GC: variants seen among roughly 807,000 people sequenced by gnomAD.
GC encodes vitamin D-binding protein.
Under a neutral mutation model 56.7 loss-of-function variants are expected in GC, and 43 were observed. The ratio of observed to expected loss-of-function variants is 0.76; its 90% CI spans 0.59 to 0.98. The LOEUF is 0.98. Among genes scored for constraint, GC ranks in the 50% least tolerant of loss-of-function variants. The pLI, the probability that GC is intolerant of heterozygous loss-of-function variation, is 0.00. For synonymous variants in GC, 216 were observed against 202.7 expected (o/e 1.07, Z -0.56); for missense variants, 529 against 545.9 (o/e 0.97, Z 0.31).
rs759800524 is a variant in GC, at chr4:71,756,865, G to A, written c.881C>T (p.Ser294Phe). The change falls in exon 8 of 13, where the codon TCT becomes TTT. Residue 294 changes from serine (S) to phenylalanine (F), a missense_variant. Ser to Phe is a radical substitution (Grantham distance 155). Transcript: ENST00000273951. ...KLCDNLSTKN[S>F]KFEDCCQEKT... ...TTCTTGACAACAGTCTTCAAACTTAGAATTCTTTGTGGATAAATTGTCACA... is the reference window on the plus strand; with the variant it reads ...TTCTTGACAACAGTCTTCAAACTTAAAATTCTTTGTGGATAAATTGTCACA... The A allele has an allele frequency of 6.2e-7, 1 of 1,613,782 alleles. No individual in the cohort carries two copies. Among genetic ancestry groups the A allele is most frequent in the South Asian group, 1.1e-5 (1 of 91,072 alleles).
rs4588 is a variant in GC, at chr4:71,752,606, G to T, written c.1307C>A (p.Thr436Lys). Reference sequence around the variant, plus strand: ...CTTGTTAACCAGCTTTGCCAGTTCCGTGGGTGTGGCATCAGGCAATTTTGC... The same window carrying T: ...CTTGTTAACCAGCTTTGCCAGTTCCTTGGGTGTGGCATCAGGCAATTTTGC... ...LKAKLPDATP[T>K]ELAKLVNKHS... The change falls in exon 11 of 13, where the codon ACG becomes AAG. Residue 436 changes from threonine to lysine, a missense_variant. Physicochemically the swap from Thr to Lys is moderately conservative, Grantham distance 78. Transcript: ENST00000273951. The T allele has an allele frequency of 0.27, 440,214 of 1,612,616 alleles. 62,145 individuals are homozygous for T. Among genetic ancestry groups the T allele is most frequent in the South Asian group, 0.3 (27,046 of 91,006 alleles).
chr4:71,801,329 T>A (rs1578328607), intron 1 of GC, among the ~76,000 whole-genome samples: 1 of 152,192 alleles, frequency 6.6e-6, no homozygotes, highest in South Asian at 2.1e-4. Context: ...AATTAAATCC[T>A]CCATAGTCTT....
At chr4:71,790,113 G>A (rs1049786240) in intron 1 of GC, among the ~76,000 whole-genome samples, 9 of 151,930 alleles carry the variant, frequency 5.9e-5, no homozygotes, top group African/African-American at 1.9e-4. Context: ...CCTTTGGTCA[G>A]TATGTCCTTC....
chr4:71,749,413 G>A (rs1741476172), intron 11 of GC, among the ~76,000 whole-genome samples: 1 of 152,182 alleles, frequency 6.6e-6, no homozygotes, highest in Non-Finnish European at 1.5e-5. Flanking sequence ...GTCTTGTATG[G>A]TGTCAGGCAG....
At chr4:71,798,526 T>A (rs1288446058) in intron 1 of GC, among the ~76,000 whole-genome samples, 1 of 152,202 alleles carries the variant, frequency 6.6e-6, no homozygotes, top group African/African-American at 2.4e-5. Context: ...CTTGAACCTG[T>A]GTGAGCTAGA....
chr4:71,803,834 A>G lies in GC; in HGVS notation c.21+92T>C. 3 of 744,358 alleles carry G rather than the reference A, an allele frequency of 4.0e-6. No homozygotes were observed. In the South Asian group the frequency reaches 4.4e-5, roughly 11 times the overall value. 46.1% of individuals were successfully genotyped at this position (744,358 alleles called of 1,614,324 possible). On this transcript the variant is annotated intron_variant, in intron 1 of 13. Coordinates refer to the GC transcript ENST00000504199. ...TTGCACAGAAATCCTCTGTGTTGGT[A>G]GTCAGAACATTGTAAATTCATTTTA...
intron 12 of GC, among the ~76,000 whole-genome samples, chr4:71,742,728 A>G (rs1741222713): frequency 6.6e-6 from 1 of 152,244 alleles, no homozygotes; most frequent in Non-Finnish European, 1.5e-5. Flanking sequence ...TAATCCCAGC[A>G]CTTTGGGAGG....
intron 8 of GC, 32 bp downstream of exon 8, chr4:71,756,680 T>A (rs1204192349): frequency 1.3e-6 from 2 of 1,500,200 alleles, no homozygotes; most frequent in Non-Finnish European, 1.9e-6. Context: ...GAACTTAAAA[T>A]GGGAAAACGT....
intron 12 of GC, among the ~76,000 whole-genome samples, 190 bp from the exon 13 acceptor site, chr4:71,742,060 G>A (rs1185450829): frequency 2.6e-5 from 4 of 152,102 alleles, no homozygotes; most frequent in Non-Finnish European, 5.9e-5. Flanking sequence ...AAAATGTTAA[G>A]ACAGTCCAAA....
At chr4:71,760,463 G>A (rs1343317215) in intron 6 of GC, among the ~76,000 whole-genome samples, 2 of 152,136 alleles carry the variant, frequency 1.3e-5, no homozygotes, top group Non-Finnish European at 2.9e-5. Flanking sequence ...AGGAATCAAA[G>A]AGACTGTAAG....
intron 1 of GC, 98 bp from the exon 2 acceptor site, chr4:71,769,498 G>C (rs1307489143): frequency 2.5e-6 from 2 of 794,428 alleles, no homozygotes; most frequent in Non-Finnish European, 4.2e-6. Context: ...GGCCTACAAT[G>C]AAAGTCGTAT....
chr4:71,796,730 G>A, intron 1 of GC, among the ~76,000 whole-genome samples: 1 of 152,272 alleles, frequency 6.6e-6, no homozygotes, highest in South Asian at 2.1e-4. Context: ...GCAATCCTTT[G>A]GAGGAGAAGA....
intron 6 of GC, among the ~76,000 whole-genome samples, chr4:71,763,160 G>C (rs1742040551): frequency 6.6e-6 from 1 of 151,830 alleles, no homozygotes; most frequent in Non-Finnish European, 1.5e-5. Context: ...ATTTTCTAGT[G>C]GTCAACTATA....
At chr4:71,804,550 A>G (rs1743319816), upstream of GC, among the ~76,000 whole-genome samples, 1 of 151,836 alleles carries the variant, frequency 6.6e-6, no homozygotes, top group Non-Finnish European at 1.5e-5. Flanking sequence ...TGCCCTCCAG[A>G]TGAGGTATTG....
chr4:71,761,549 C>A (rs890791271), intron 6 of GC, among the ~76,000 whole-genome samples: 9 of 152,158 alleles, frequency 5.9e-5, no homozygotes, highest in African/African-American at 2.2e-4. Context: ...ATCCCCAATA[C>A]AATGGGGGAA....
At chr4:71,801,648 T>C (rs1222168646) in intron 1 of GC, among the ~76,000 whole-genome samples, 2 of 152,148 alleles carry the variant, frequency 1.3e-5, no homozygotes, top group Non-Finnish European at 2.9e-5. Flanking sequence ...GTATGGCACA[T>C]ACCTAAAAGA....
At chr4:71,799,214 C>A (rs1743188608) in intron 1 of GC, among the ~76,000 whole-genome samples, 1 of 152,158 alleles carries the variant, frequency 6.6e-6, no homozygotes, top group Non-Finnish European at 1.5e-5. Flanking sequence ...ATCTACCACA[C>A]TTGGTAAGAA....
chr4:71,779,559 A>G (rs1742610384), intron 1 of GC, among the ~76,000 whole-genome samples: 1 of 151,862 alleles, frequency 6.6e-6, no homozygotes, highest in South Asian at 2.1e-4. Context: ...AATGAGAAAA[A>G]TAGGAGAGAG....
At chr4:71,762,080 G>C (rs842998) in intron 6 of GC, among the ~76,000 whole-genome samples, 101,798 of 152,100 alleles carry the variant, frequency 0.67, 38,415 homozygotes, top group South Asian at 0.85. Flanking sequence ...TGTGCACCTG[G>C]AAAAGCCACA....
Sources: allele counts gnomAD v4.1 joint callset (sites outside exome capture counted in the v4.1 genomes callset), GRCh38; gene constraint gnomAD v4.1.1; transcripts MANE v1.5; gene names NCBI Gene and HGNC (gene_info 2026-07-23, HGNC 2026-07-21).